The following FAM117B variants were observed in gnomAD, a reference collection of about 807,000 sequenced individuals.
FAM117B encodes the protein protein FAM117B.
In FAM117B, 22 loss-of-function variants were observed where a neutral mutation model predicts 52.8. That is an observed-to-expected ratio of 0.42 (90% CI 0.30 to 0.59). FAM117B has a LOEUF of 0.59. Ranked by LOEUF, FAM117B falls within the 20% of genes least tolerant of loss-of-function variation. The probability of loss-of-function intolerance (pLI) is 0.22; values close to 1 mark genes in which losing one functional copy is unlikely to be tolerated. For missense variants in FAM117B, 678 were observed against 802.6 expected (o/e 0.84, Z 1.88); for synonymous variants, 309 against 324.1 (o/e 0.95, Z 0.50).
intron 1 of FAM117B, among the ~76,000 whole-genome samples, chr2:202,675,425 G>A (rs1191775541): frequency 2.6e-5 from 3 of 113,522 alleles, no homozygotes; most frequent in South Asian, 6.0e-4. Flanking sequence ...CCGCCTGGGC[G>A]ACAGAGTGAG....
At chr2:202,697,729 TAG>T (rs1690734166) in intron 2 of FAM117B, among the ~76,000 whole-genome samples, 1 of 152,072 alleles carries the variant, frequency 6.6e-6, no homozygotes, top group African/African-American at 2.4e-5. Context: ...TTTGTACTTT[TAG>T]TAGAGACGGG....
At chr2:202,755,789 C>A in intron 5 of FAM117B, 108 bp downstream of exon 5, 1 of 1,113,384 alleles carries the variant, frequency 9.0e-7, no homozygotes, top group Non-Finnish European at 1.2e-6. Context: ...ATTGAGAGAG[C>A]AAAAATTTAT....
intron 1 of FAM117B, among the ~76,000 whole-genome samples, chr2:202,692,624 C>T (rs967073933): frequency 3.3e-5 from 5 of 152,198 alleles, no homozygotes; most frequent in East Asian, 1.9e-4. Context: ...TAAAAGTTAG[C>T]GTTCCATATC....
In FAM117B at chr2:202,767,860, A is replaced by G. The variant is rs534841484; in HGVS notation, c.*2096A>G. ...ATTGATGAACTTTGGTACTTTCTCAATCCAAAACTAATTTATTTGGAACTA... is the reference window on the plus strand; with the variant it reads ...ATTGATGAACTTTGGTACTTTCTCAGTCCAAAACTAATTTATTTGGAACTA... On this transcript the variant is annotated 3_prime_UTR_variant, in exon 8 of 8. Transcript: ENST00000392238. 6.6e-6 allele frequency: 1 copy of G among 152,308 alleles called. No homozygotes were observed. The highest frequency in any genetic ancestry group is 2.4e-5 in the African/African-American group (1 of 41,560). 9.4% of individuals were successfully genotyped at this position (152,308 alleles called of 1,614,324 possible). A position where few individuals can be genotyped will look rare whatever the true frequency, so the allele number is the denominator to read the frequency against.
intron 5 of FAM117B, 96 bp from the exon 6 acceptor site, chr2:202,757,117 G>A (rs543253913): frequency 1.8e-4 from 215 of 1,210,770 alleles, no homozygotes; most frequent in Admixed American, 6.1e-4. Context: ...TGATTTGTGA[G>A]TCTCTGGCAC....
intron 4 of FAM117B, among the ~76,000 whole-genome samples, chr2:202,728,207 A>G (rs1313812504): frequency 2.0e-5 from 3 of 151,998 alleles, no homozygotes; most frequent in African/African-American, 7.2e-5. Flanking sequence ...CAAGCTGGTC[A>G]CTAACTCCTG....
chr2:202,719,201 G>A (rs568931300), intron 2 of FAM117B, among the ~76,000 whole-genome samples: 18 of 152,078 alleles, frequency 1.2e-4, no homozygotes, highest in Admixed American at 3.9e-4. Flanking sequence ...TTTTTGCTAG[G>A]TATTTTTTCC....
intron 1 of FAM117B, among the ~76,000 whole-genome samples, chr2:202,654,062 T>TGAGTGAGAGA (rs780028124): frequency 3.9e-4 from 53 of 134,854 alleles, no homozygotes; most frequent in African/African-American, 1.4e-3. Flanking sequence ...AGAGAGTGAG[T>TGAGTGAGAGA]GAGAGAGAGA....
At chr2:202,716,890 A>G (rs529422835) in intron 2 of FAM117B, among the ~76,000 whole-genome samples, 1 of 152,078 alleles carries the variant, frequency 6.6e-6, no homozygotes, top group Non-Finnish European at 1.5e-5. Context: ...CTCTTTGTTA[A>G]ATTTGTCTGA....
At chr2:202,671,371 A>G (rs1417591059) in intron 1 of FAM117B, among the ~76,000 whole-genome samples, 2 of 152,204 alleles carry the variant, frequency 1.3e-5, no homozygotes, top group African/African-American at 4.8e-5. Context: ...CCTCTGCTAG[A>G]TTACATAGAG....
At chr2:202,761,633 TCTC>T in intron 7 of FAM117B, among the ~76,000 whole-genome samples, 1 of 152,272 alleles carries the variant, frequency 6.6e-6, no homozygotes, top group East Asian at 1.9e-4. Flanking sequence ...TTCAAGCAAT[TCTC>T]CTGTCTCAGC....
chr2:202,739,974 C>A (rs1162626749), intron 4 of FAM117B, among the ~76,000 whole-genome samples: 2 of 151,580 alleles, frequency 1.3e-5, no homozygotes, highest in African/African-American at 4.9e-5. Context: ...GAGTTTGAGA[C>A]CATCCTGGCT....
intron 1 of FAM117B, among the ~76,000 whole-genome samples, chr2:202,686,398 C>T (rs1232072916): frequency 3.3e-5 from 5 of 152,236 alleles, no homozygotes; most frequent in Non-Finnish European, 5.9e-5. Flanking sequence ...TAAGATCCAG[C>T]ATTTCCACTG....
At chr2:202,669,870 A>G (rs958013738) in intron 1 of FAM117B, among the ~76,000 whole-genome samples, 1 of 152,198 alleles carries the variant, frequency 6.6e-6, no homozygotes, top group Non-Finnish European at 1.5e-5. Context: ...GCAAATGACA[A>G]CTCAGCTTAA....
chr2:202,692,950 A>C (rs1179268931), intron 1 of FAM117B, among the ~76,000 whole-genome samples: 1 of 152,218 alleles, frequency 6.6e-6, no homozygotes, highest in Non-Finnish European at 1.5e-5. Flanking sequence ...TTTATGGATT[A>C]CAAAATATTT....
At chr2:202,754,976 G>A (rs968165314) in intron 4 of FAM117B, among the ~76,000 whole-genome samples, 4 of 151,310 alleles carry the variant, frequency 2.6e-5, no homozygotes, top group South Asian at 2.1e-4. Flanking sequence ...CTTGGTGTCC[G>A]GGGAGGCCTC....
rs1359907276 is a variant in FAM117B, at chr2:202,635,442, G to A, written c.255G>A (p.Pro85=). ...GPAGGGGGGG[P]RTASRSTSPT... ...CAGGCGGCGGCGGCGGCGGTGGCCC[G>A]CGCACCGCCTCGCGCAGCACCAGCC... Residue 85 remains proline (P), a synonymous_variant, in exon 1 of 8, where the codon CCG becomes CCA. Coordinates refer to ENST00000392238, the MANE Select transcript of FAM117B (RefSeq NM_173511.4). 74 of 1,200,882 alleles carry A rather than the reference G, an allele frequency of 6.2e-5. No individual in the cohort carries two copies. Among genetic ancestry groups the A allele is most frequent in the Non-Finnish European group, 7.4e-5 (72 of 972,298 alleles). 74.4% of individuals were successfully genotyped at this position (1,200,882 alleles called of 1,614,324 possible). A position where few individuals can be genotyped will look rare whatever the true frequency, so the allele number is the denominator to read the frequency against.
At chr2:202,644,174 G>A (rs554519160) in intron 1 of FAM117B, among the ~76,000 whole-genome samples, 1 of 149,964 alleles carries the variant, frequency 6.7e-6, no homozygotes, top group East Asian at 2.0e-4. Flanking sequence ...TCCATTGTAG[G>A]TGTAGCATCT....
chr2:202,755,794 A>T (rs1691792138), intron 5 of FAM117B, 113 bp downstream of exon 5: 2 of 1,090,566 alleles, frequency 1.8e-6, no homozygotes, highest in Admixed American at 5.6e-5. Flanking sequence ...GAGAGCAAAA[A>T]TTTATCTCTT....
Sources: allele counts gnomAD v4.1 joint callset (sites outside exome capture counted in the v4.1 genomes callset), GRCh38; gene constraint gnomAD v4.1.1; transcripts MANE v1.5; gene names NCBI Gene and HGNC (gene_info 2026-07-23, HGNC 2026-07-21).